The following CDH4 variants were observed in gnomAD, a reference collection of about 807,000 sequenced individuals.
CDH4 encodes cadherin 4.
Under a neutral mutation model 86.0 loss-of-function variants are expected in CDH4, and 33 were observed. That is an observed-to-expected ratio of 0.38 (90% CI 0.29 to 0.51). The LOEUF (loss-of-function observed/expected upper bound fraction) is 0.51. Ranked by LOEUF, CDH4 falls within the 20% of genes least tolerant of loss-of-function variation. CDH4 has a pLI of 0.86. For synonymous variants in CDH4, 555 were observed against 549.4 expected (o/e 1.01, Z -0.14); for missense variants, 1,114 against 1,307.4 (o/e 0.85, Z 2.28).
chr20:61,627,560 G>C (rs149056526), intron 2 of CDH4, among the ~76,000 whole-genome samples: 2 of 152,174 alleles, frequency 1.3e-5, no homozygotes, highest in African/African-American at 4.8e-5. Context: ...TGCCCGCATG[G>C]AGAGCTCTTT....
intron 2 of CDH4, among the ~76,000 whole-genome samples, chr20:61,271,784 G>T (rs530533373): frequency 6.6e-5 from 10 of 152,282 alleles, no homozygotes; most frequent in African/African-American, 2.4e-4. Context: ...CCATGGTCCT[G>T]GTTTTGCCTT....
intron 2 of CDH4, among the ~76,000 whole-genome samples, chr20:61,716,281 G>C (rs2087952041): frequency 6.6e-6 from 1 of 152,192 alleles, no homozygotes; most frequent in South Asian, 2.1e-4. Context: ...GCCTCCCCTT[G>C]GCTGGACCTG....
At chr20:61,881,625 C>T (rs1014021312) in intron 7 of CDH4, among the ~76,000 whole-genome samples, 1 of 152,208 alleles carries the variant, frequency 6.6e-6, no homozygotes, top group African/African-American at 2.4e-5. Context: ...CCAACGTCTC[C>T]ATCTGAGAAG....
At chr20:61,346,496 C>T (rs1412541386) in intron 2 of CDH4, among the ~76,000 whole-genome samples, 1 of 152,114 alleles carries the variant, frequency 6.6e-6, no homozygotes, top group Non-Finnish European at 1.5e-5. Context: ...GTAATCCCAG[C>T]ACTTTGGGAG....
At chr20:61,297,643 G>C (rs1201633345) in intron 2 of CDH4, among the ~76,000 whole-genome samples, 1 of 152,246 alleles carries the variant, frequency 6.6e-6, no homozygotes, top group African/African-American at 2.4e-5. Flanking sequence ...CCTTCAGAAA[G>C]ATTTGTCGAT....
chr20:61,261,907 G>A (rs1277859807), intron 2 of CDH4, among the ~76,000 whole-genome samples: 2 of 152,234 alleles, frequency 1.3e-5, no homozygotes, highest in African/African-American at 4.8e-5. Context: ...AGAAGAGCCC[G>A]CGGCTTCTGT....
intron 7 of CDH4, among the ~76,000 whole-genome samples, chr20:61,888,777 G>A (rs142259353): frequency 1.3e-3 from 198 of 152,330 alleles, no homozygotes; most frequent in African/African-American, 4.4e-3. Flanking sequence ...ACAAAGGCCT[G>A]AAGCGCAGAC....
chr20:61,671,773 TGATGGATC>T (rs1365164624), intron 2 of CDH4, among the ~76,000 whole-genome samples: 1 of 148,686 alleles, frequency 6.7e-6, no homozygotes, highest in African/African-American at 2.5e-5. Context: ...TGTGGATGGA[TGATGGATC>T]AATGGATCGA....
At chr20:61,805,148 C>T (rs552247926) in intron 4 of CDH4, among the ~76,000 whole-genome samples, 25 of 152,272 alleles carry the variant, frequency 1.6e-4, no homozygotes, top group African/African-American at 5.1e-4. Context: ...TATGCCCAGC[C>T]GGAAGCCGGT....
chr20:61,451,642 G>T (rs1433708918), intron 2 of CDH4, among the ~76,000 whole-genome samples: 1 of 152,014 alleles, frequency 6.6e-6, no homozygotes, highest in Non-Finnish European at 1.5e-5. Context: ...GGAGAGCTGG[G>T]GTCGCCAAGG....
chr20:61,737,440 T>C (rs2088278904), intron 2 of CDH4, among the ~76,000 whole-genome samples: 1 of 152,098 alleles, frequency 6.6e-6, no homozygotes, highest in Non-Finnish European at 1.5e-5. Context: ...GCAAACACCC[T>C]GCACGGCTCC....
At position 61,471,762 on chromosome 20, in the gene CDH4, C is replaced by T. The variant is rs1328077316; in HGVS notation, c.169+216825C>T. On this transcript the variant is annotated intron_variant, in intron 2 of 15. Coordinates refer to ENST00000614565, the MANE Select transcript of CDH4 (RefSeq NM_001794.5). ...AATTTCCTTCTTAATTTCTTCATTG[C>T]CCACTGGAGCATTATTCAGGAGCCT... Among the ~76,000 whole-genome samples the T allele has an allele frequency of 4.6e-5, 7 of 152,116 alleles. No homozygotes were observed. In the East Asian group the frequency reaches 1.4e-3, roughly 29 times the overall value.
At chr20:61,730,990 G>A (rs1337511606) in intron 2 of CDH4, among the ~76,000 whole-genome samples, 1 of 151,928 alleles carries the variant, frequency 6.6e-6, no homozygotes, top group Non-Finnish European at 1.5e-5. Context: ...CAGCTCCAGG[G>A]GAAGGAGCAG....
At position 61,821,692 on chromosome 20, in the gene CDH4, T is replaced by C. The variant is rs186023266; in HGVS notation, c.577-22976T>C. Reference sequence around the variant, plus strand: ...TACACCTGTGCTTCCTGAAAGACCCTTGGGGGGGTCTACTTTGGATCTACA... The same window carrying C: ...TACACCTGTGCTTCCTGAAAGACCCCTGGGGGGGTCTACTTTGGATCTACA... On this transcript the variant is annotated intron_variant, in intron 4 of 15. Coordinates refer to ENST00000614565, the MANE Select transcript of CDH4 (RefSeq NM_001794.5). 1.7e-3 allele frequency among the ~76,000 whole-genome samples: 259 copies of C among 152,336 alleles called. 2 individuals carry two copies. Among genetic ancestry groups the C allele is most frequent in the African/African-American group, 5.9e-3 (246 of 41,584 alleles).
chr20:61,570,401 C>T, intron 2 of CDH4: 1 of 434,712 alleles, frequency 2.3e-6, no homozygotes, highest in Non-Finnish European at 4.2e-6. Context: ...ACGGGCCTGG[C>T]TGCAGACGTA....
At chr20:61,934,273 T>C (rs1280124964) in intron 15 of CDH4, 53 bp downstream of exon 15, 2 of 1,483,528 alleles carry the variant, frequency 1.3e-6, no homozygotes, top group Non-Finnish European at 1.8e-6. Context: ...CTCTAAAAAT[T>C]AAATTCTGGT....
chr20:61,527,324 A>C (rs1600730872), intron 2 of CDH4, among the ~76,000 whole-genome samples: 1 of 151,874 alleles, frequency 6.6e-6, no homozygotes, highest in East Asian at 1.9e-4. Flanking sequence ...ATCTTGGCTC[A>C]CTGCCATCTC....
intron 3 of CDH4, among the ~76,000 whole-genome samples, chr20:61,744,282 G>T (rs577625172): frequency 6.6e-6 from 1 of 152,022 alleles, no homozygotes; most frequent in Non-Finnish European, 1.5e-5. Context: ...GACAGCAAAG[G>T]AGAGGGAGAA....
chr20:61,538,312 C>T (rs2086013212), intron 2 of CDH4, among the ~76,000 whole-genome samples: 1 of 152,160 alleles, frequency 6.6e-6, no homozygotes, highest in Non-Finnish European at 1.5e-5. Context: ...AGGACACCTG[C>T]CATCTCCCCT....
Sources: allele counts gnomAD v4.1 joint callset (sites outside exome capture counted in the v4.1 genomes callset), GRCh38; gene constraint gnomAD v4.1.1; transcripts MANE v1.5; gene names NCBI Gene and HGNC (gene_info 2026-07-23, HGNC 2026-07-21).